Variants in CCSER1 observed in about 807,000 individuals in gnomAD.
The protein encoded by CCSER1 is serine-rich coiled-coil domain-containing protein 1.
In CCSER1, 41 loss-of-function variants were observed where a neutral mutation model predicts 82.0. The observed-to-expected ratio is 0.50, with a 90% CI of 0.39 to 0.65. CCSER1 has a LOEUF of 0.65. Among genes scored for constraint, CCSER1 ranks in the 30% least tolerant of loss-of-function variants. The pLI is 0.00. For synonymous variants in CCSER1, 414 were observed against 383.9 expected, an observed-to-expected ratio of 1.08 and a Z score of -0.92; for missense variants, 1,119 against 1,064.2, an observed-to-expected ratio of 1.05 and a Z score of -0.72.
At chr4:90,430,168 G>A (rs910159199) in intron 4 of CCSER1, among the ~76,000 whole-genome samples, 4 of 151,854 alleles carry the variant, frequency 2.6e-5, no homozygotes, top group South Asian at 2.1e-4. Context: ...TGACATTACA[G>A]TTACAATTTG....
intron 10 of CCSER1, among the ~76,000 whole-genome samples, chr4:91,339,820 C>T (rs187647167): frequency 3.3e-5 from 5 of 151,936 alleles, no homozygotes; most frequent in South Asian, 2.1e-4. Context: ...TGAATACCTA[C>T]GACAAAGATT....
intron 10 of CCSER1, among the ~76,000 whole-genome samples, chr4:91,223,052 G>GTT (rs57497886): frequency 6.6e-5 from 10 of 151,496 alleles, no homozygotes; most frequent in Admixed American, 5.3e-4. Flanking sequence ...TTAAAATAAT[G>GTT]TTTTTTTCTT....
intron 6 of CCSER1, among the ~76,000 whole-genome samples, chr4:90,654,035 C>T (rs538058381): frequency 4.0e-4 from 61 of 152,188 alleles, no homozygotes; most frequent in African/African-American, 1.4e-3. Context: ...CATCAGATCT[C>T]ATGAGAATTC....
chr4:90,339,234 T>C (rs1740941531), intron 3 of CCSER1, among the ~76,000 whole-genome samples: 1 of 152,136 alleles, frequency 6.6e-6, no homozygotes, highest in Non-Finnish European at 1.5e-5. Flanking sequence ...CAAATTCTTT[T>C]GTCATAAGAC....
At chr4:91,518,657 C>G (rs945872751) in intron 10 of CCSER1, among the ~76,000 whole-genome samples, 1 of 152,136 alleles carries the variant, frequency 6.6e-6, no homozygotes, top group Non-Finnish European at 1.5e-5. Context: ...GGGCTCCTCT[C>G]TATATAGTGG....
intron 3 of CCSER1, among the ~76,000 whole-genome samples, chr4:90,369,612 A>T (rs1224776889): frequency 6.6e-6 from 1 of 152,012 alleles, no homozygotes; most frequent in Non-Finnish European, 1.5e-5. Flanking sequence ...TCACTCCAGA[A>T]ATGTGAGGTG....
chr4:90,637,902 CTT>C (rs1725723499), intron 6 of CCSER1, among the ~76,000 whole-genome samples: 1 of 152,078 alleles, frequency 6.6e-6, no homozygotes, highest in Non-Finnish European at 1.5e-5. Context: ...TCATTTTACT[CTT>C]TGTCCCTTAA....
At chr4:91,462,370 G>C (rs952210448) in intron 10 of CCSER1, among the ~76,000 whole-genome samples, 1 of 152,008 alleles carries the variant, frequency 6.6e-6, no homozygotes, top group Non-Finnish European at 1.5e-5. Context: ...AAGAAAATAT[G>C]GGAAGGGTGG....
intron 10 of CCSER1, among the ~76,000 whole-genome samples, chr4:91,548,172 G>A (rs1761981599): frequency 6.6e-6 from 1 of 152,036 alleles, no homozygotes; most frequent in African/African-American, 2.4e-5. Flanking sequence ...TATCTTACTG[G>A]TTGCGCTAAA....
intron 6 of CCSER1, among the ~76,000 whole-genome samples, chr4:90,643,096 ATTCAC>A (rs1211725172): frequency 2.6e-5 from 4 of 152,164 alleles, no homozygotes; most frequent in South Asian, 4.1e-4. Flanking sequence ...CTCATGAAAT[ATTCAC>A]TTCACTTCTC....
intron 3 of CCSER1, among the ~76,000 whole-genome samples, chr4:90,386,221 C>T (rs184609395): frequency 4.9e-4 from 74 of 152,248 alleles, no homozygotes; most frequent in Admixed American, 1.0e-3. Flanking sequence ...GCAAAAAGAA[C>T]AAATCTGGAG....
intron 9 of CCSER1, among the ~76,000 whole-genome samples, chr4:90,944,014 G>T (rs1581166497): frequency 6.6e-6 from 1 of 151,948 alleles, no homozygotes; most frequent in South Asian, 2.1e-4. Flanking sequence ...TGGGCGGATT[G>T]CCTGAGCTCA....
At chr4:91,474,787 G>GTGTATATA (rs1757479492) in intron 10 of CCSER1, among the ~76,000 whole-genome samples, 2 of 135,182 alleles carry the variant, frequency 1.5e-5, no homozygotes, top group African/African-American at 5.5e-5. Context: ...ATATATTTGT[G>GTGTATATA]TATATATATA....
chr4:90,770,147 C>A (rs1309188346), intron 7 of CCSER1, among the ~76,000 whole-genome samples: 1 of 152,100 alleles, frequency 6.6e-6, no homozygotes, highest in South Asian at 2.1e-4. Flanking sequence ...AGAAAATGAT[C>A]CATCAGTTCC....
At chr4:90,521,095 G>T (rs773204815) in intron 5 of CCSER1, among the ~76,000 whole-genome samples, 1 of 152,090 alleles carries the variant, frequency 6.6e-6, no homozygotes. Context: ...AATTGAGGTT[G>T]AAAAATAAAC....
intron 5 of CCSER1, among the ~76,000 whole-genome samples, chr4:90,506,194 T>C (rs1358653942): frequency 6.6e-6 from 1 of 152,142 alleles, no homozygotes; most frequent in Non-Finnish European, 1.5e-5. Context: ...TGAAGGAAAT[T>C]TTTCCCAAAG....
intron 10 of CCSER1, among the ~76,000 whole-genome samples, chr4:91,182,358 A>C (rs2149032206): frequency 6.6e-6 from 1 of 152,302 alleles, no homozygotes; most frequent in East Asian, 1.9e-4. Flanking sequence ...TCTCCACCAA[A>C]TCAGTTGTTC....
chr4:90,476,825 G>A (rs181559975), intron 5 of CCSER1, among the ~76,000 whole-genome samples: 28 of 152,140 alleles, frequency 1.8e-4, no homozygotes, highest in Middle Eastern at 3.4e-3. Context: ...CTATTGTAAC[G>A]TTTGCATCTA....
At chr4:90,617,711 C>A (rs1721548999) in intron 5 of CCSER1, among the ~76,000 whole-genome samples, 1 of 152,116 alleles carries the variant, frequency 6.6e-6, no homozygotes, top group East Asian at 1.9e-4. Context: ...TGGTGCTATA[C>A]TGATGAATAA....
Sources: allele counts gnomAD v4.1 joint callset (sites outside exome capture counted in the v4.1 genomes callset), GRCh38; gene constraint gnomAD v4.1.1; transcripts MANE v1.5; gene names NCBI Gene and HGNC (gene_info 2026-07-23, HGNC 2026-07-21).